The following DISC1 variants were observed in gnomAD, a reference collection of about 807,000 sequenced individuals.
DISC1 encodes disrupted in schizophrenia 1 protein.
In DISC1, 57 loss-of-function variants were observed where a neutral mutation model predicts 84.5. That is an observed-to-expected ratio of 0.67 (90% CI 0.55 to 0.84). The LOEUF (loss-of-function observed/expected upper bound fraction) is 0.84. Ranked by LOEUF, DISC1 falls within the 40% of genes least tolerant of loss-of-function variation. The pLI is 0.00. For missense variants in DISC1, 1,000 were observed against 1,057.8 expected, an observed-to-expected ratio of 0.95 and a Z score of 0.76; for synonymous variants, 411 against 415.2, an observed-to-expected ratio of 0.99 and a Z score of 0.12.
intron 1 of DISC1, among the ~76,000 whole-genome samples, chr1:231,650,931 C>T (rs2060566512): frequency 6.6e-6 from 1 of 152,128 alleles, no homozygotes; most frequent in Admixed American, 6.5e-5. Flanking sequence ...TTATGGTCTT[C>T]TCTACACTGT....
In DISC1 at chr1:231,767,067, C is replaced by T. The variant is rs1288641177; in HGVS notation, c.1269-73C>T. The T allele has an allele frequency of 6.3e-6, 10 of 1,590,920 alleles. No individual in the cohort carries two copies. The South Asian group carries it at 8.9e-5, about 14-fold the overall frequency. On this transcript the variant is annotated intron_variant, in intron 4 of 12. Transcript: ENST00000439617. ...GGGGGCCACTTGCTGGAGTTTCTTA[C>T]TCTTAAAATACTTGTCAACATGAGG...
chr1:231,662,623 A>G (rs533572429), intron 1 of DISC1, among the ~76,000 whole-genome samples: 12 of 152,370 alleles, frequency 7.9e-5, no homozygotes, highest in Admixed American at 3.3e-4. Context: ...GGCCAAGTCT[A>G]CTGGACCAAA....
chr1:231,840,670 G>A (rs1429798676), intron 9 of DISC1, among the ~76,000 whole-genome samples: 1 of 151,980 alleles, frequency 6.6e-6, no homozygotes, highest in East Asian at 1.9e-4. Context: ...AACAGCCCAA[G>A]GGAATTCTTG....
At chr1:231,688,110 T>C (rs2064525810) in intron 1 of DISC1, among the ~76,000 whole-genome samples, 1 of 152,214 alleles carries the variant, frequency 6.6e-6, no homozygotes, top group Non-Finnish European at 1.5e-5. Flanking sequence ...CACTTGTATG[T>C]CTTTGTTGAC....
At chr1:231,854,597 T>C (rs764789674) in intron 9 of DISC1, 1 of 152,454 alleles carries the variant, frequency 6.6e-6, no homozygotes, top group African/African-American at 2.4e-5. Flanking sequence ...AGTTGTTATG[T>C]TCTGAAAAGA....
intron 9 of DISC1, among the ~76,000 whole-genome samples, chr1:231,880,845 A>G (rs1364020507): frequency 6.6e-6 from 1 of 152,202 alleles, no homozygotes; most frequent in African/African-American, 2.4e-5. Flanking sequence ...TGAGTCAGCC[A>G]TTCCCTCAGA....
chr1:231,645,185 A>C (rs199570150), intron 1 of DISC1, among the ~76,000 whole-genome samples: 1 of 152,162 alleles, frequency 6.6e-6, no homozygotes, highest in African/African-American at 2.4e-5. Flanking sequence ...CTGTGATCCT[A>C]ATAACAGAGA....
intron 4 of DISC1, among the ~76,000 whole-genome samples, chr1:231,758,777 A>G (rs1221326226): frequency 6.6e-6 from 1 of 152,134 alleles, no homozygotes; most frequent in Non-Finnish European, 1.5e-5. Flanking sequence ...TACTATCATC[A>G]CACATTTGGA....
intron 9 of DISC1, among the ~76,000 whole-genome samples, chr1:231,933,595 C>T (rs2090798287): frequency 6.6e-6 from 1 of 152,172 alleles, no homozygotes; most frequent in Admixed American, 6.5e-5. Flanking sequence ...CTTCTTAAAA[C>T]ATTCGTTCTC....
intron 9 of DISC1, among the ~76,000 whole-genome samples, chr1:231,857,325 CAT>C (rs2084341480): frequency 6.6e-6 from 1 of 152,210 alleles, no homozygotes; most frequent in African/African-American, 2.4e-5. Flanking sequence ...ATTTCGAAGT[CAT>C]GTGTTGACAT....
In DISC1 at chr1:231,732,653, G is replaced by A. The variant is rs529049300; in HGVS notation, c.1118-17273G>A. On this transcript the variant is annotated intron_variant, in intron 3 of 12. Transcript: ENST00000439617. ...TGGCATTTTGTCTTTTGCTATTTCCGTTGGGTTCTCTGTATTATGGCTACT... is the reference window on the plus strand; with the variant it reads ...TGGCATTTTGTCTTTTGCTATTTCCATTGGGTTCTCTGTATTATGGCTACT... Among the ~76,000 whole-genome samples the A allele has an allele frequency of 4.6e-5, 7 of 152,172 alleles. No homozygotes were observed. In the South Asian group the frequency reaches 8.3e-4, roughly 18 times the overall value.
rs190975963 is a variant in DISC1 at position 232,008,837 on chromosome 1, C to A, written c.2095C>A (p.Arg699=). 1 of 1,605,790 alleles carries A rather than the reference C, an allele frequency of 6.2e-7. No individual in the cohort carries two copies. Among genetic ancestry groups the A allele is most frequent in the Admixed American group, 1.7e-5 (1 of 59,294 alleles). ...GTGGGAAGCTGACTTGGAAGCTTGT[C>A]GATTGCTTATCCAGAGCCTACAGCT... ...KVWEADLEAC[R]LLIQSLQLQE... is the part of the protein sequence containing the mutation. The change falls in exon 11 of 13, where the codon CGA becomes AGA. Residue 699 remains arginine (R), a synonymous_variant. Transcript: ENST00000439617.
rs1041264662 is a variant in DISC1, at chr1:232,038,948, C to G, written c.*2117C>G. On this transcript the variant is annotated 3_prime_UTR_variant, in exon 13 of 13. Transcript: ENST00000439617. ...CTTCTGTCCTCAGTCAAGGAGATGG[C>G]CATGCTTAAGCCAGCAATTGGCTGG... The G allele has an allele frequency of 6.6e-6, 1 of 152,172 alleles. No homozygotes were observed. Among genetic ancestry groups the G allele is most frequent in the African/African-American group, 2.4e-5 (1 of 41,438 alleles). The allele number at this position is 152,172 out of a possible 1,614,324, so 9.4% of individuals were successfully genotyped here.
chr1:231,647,412 C>T (rs1381519605), intron 1 of DISC1, among the ~76,000 whole-genome samples: 1 of 152,132 alleles, frequency 6.6e-6, no homozygotes, highest in African/African-American at 2.4e-5. Flanking sequence ...TGTTCTGTTC[C>T]ATTGGTCTAT....
At chr1:231,712,818 C>T (rs2068053492) in intron 3 of DISC1, among the ~76,000 whole-genome samples, 1 of 152,172 alleles carries the variant, frequency 6.6e-6, no homozygotes, top group African/African-American at 2.4e-5. Context: ...TAACAAACTG[C>T]AAAAACCTGG....
In DISC1 at chr1:231,698,871, A is replaced by G. The variant is rs1031877435; in HGVS notation, c.1048-3084A>G. Among the ~76,000 whole-genome samples the G allele has an allele frequency of 2.0e-5, 3 of 152,216 alleles. No individual in the cohort carries two copies. Among genetic ancestry groups the G allele is most frequent in the Non-Finnish European group, 4.4e-5 (3 of 68,030 alleles). ...AGTTGTAATATAGAACAATTCAAAG[A>G]CAAAGGGGTTAATATGATTATTCAT... On this transcript the variant is annotated intron_variant, in intron 2 of 12. Coordinates refer to ENST00000439617, the MANE Select transcript of DISC1 (RefSeq NM_018662.3). The surrounding 1 kb of genome is among the most constrained non-coding windows in gnomAD (Gnocchi z 4.9).
At position 231,906,485 on chromosome 1, in the gene DISC1, A is replaced by G. The variant is rs77189885; in HGVS notation, c.1982-52343A>G. Among the ~76,000 whole-genome samples, 947 of 152,340 alleles carry G rather than the reference A, an allele frequency of 6.2e-3. 14 individuals are homozygous for G. The highest frequency in any genetic ancestry group is 0.022 in the African/African-American group (906 of 41,580). On this transcript the variant is annotated intron_variant, in intron 9 of 12. Coordinates refer to ENST00000439617, the MANE Select transcript of DISC1 (RefSeq NM_018662.3). ...CCAGGGGGTGCTTTATGCACGAGGG[A>G]TATGGATTAAGTCCAGGGTGAATAT...
At chr1:231,960,807 A>G (rs951741270) in intron 10 of DISC1, among the ~76,000 whole-genome samples, 16 of 152,378 alleles carry the variant, frequency 1.1e-4, no homozygotes, top group Non-Finnish European at 2.4e-4. Flanking sequence ...CAGTCCCACA[A>G]GACTGCCCCA....
At chr1:231,794,033 C>A (rs948106037) in intron 6 of DISC1, among the ~76,000 whole-genome samples, 9 of 152,204 alleles carry the variant, frequency 5.9e-5, no homozygotes, top group African/African-American at 1.7e-4. Context: ...ATCCACCCCC[C>A]AAGGCCTCCC....
Sources: gnomAD v4.1 joint callset for allele counts (sites outside exome capture counted in the v4.1 genomes callset) on GRCh38, gnomAD v4.1.1 for gene constraint, Gnocchi (gnomAD v3.1) non-coding constraint, MANE v1.5 for transcripts, NCBI Gene and HGNC (gene_info 2026-07-23, HGNC 2026-07-21) for gene names.